The following COL24A1 variants were observed in gnomAD, a reference collection of about 807,000 sequenced individuals.
COL24A1 encodes the protein collagen type XXIV alpha 1 chain, also known as collagen alpha-1(XXIV) chain.
COL24A1 carries 224 observed loss-of-function variants against 253.9 expected under a neutral mutation model. That is an observed-to-expected ratio of 0.88 (90% CI 0.79 to 0.99). COL24A1 has a LOEUF of 0.99. Among genes scored for constraint, COL24A1 ranks in the 50% least tolerant of loss-of-function variants. The pLI is 0.00. For synonymous variants in COL24A1, 685 were observed against 673.7 expected, an observed-to-expected ratio of 1.02 and a Z score of -0.26; for missense variants, 2,131 against 2,068.5, an observed-to-expected ratio of 1.03 and a Z score of -0.59.
chr1:85,899,124 G>A (rs1684037883), intron 28 of COL24A1, among the ~76,000 whole-genome samples: 1 of 152,120 alleles, frequency 6.6e-6, no homozygotes, highest in African/African-American at 2.4e-5. Context: ...AGATGATCTT[G>A]AAATTTTAGC....
In COL24A1 at chr1:86,125,632, C is replaced by T; in HGVS notation, c.704G>A (p.Cys235Tyr). 1 of 1,612,922 alleles carries T rather than the reference C, an allele frequency of 6.2e-7. No homozygotes were observed. Among genetic ancestry groups the T allele is most frequent in the African/African-American group, 1.3e-5 (1 of 74,930 alleles). Residue 235 changes from cysteine (C) to tyrosine (Y), a missense_variant, in exon 3 of 60, where the codon TGC becomes TAC. Physicochemically the swap from Cys to Tyr is radical, Grantham distance 194 (BLOSUM62 -2). Transcript: ENST00000370571. ...GCGACACTGCTGTTTCACATATCTGCAGTAGTCTGCAGATGCTTCTGCAGA... is the reference window on the plus strand; with the variant it reads ...GCGACACTGCTGTTTCACATATCTGTAGTAGTCTGCAGATGCTTCTGCAGA... Reference protein sequence around the residue: ...IPSAEASADYCRYVKQQCRQA... With the variant: ...IPSAEASADYYRYVKQQCRQA...
chr1:85,926,813 T>C (rs1316086907), intron 24 of COL24A1, among the ~76,000 whole-genome samples: 12 of 151,526 alleles, frequency 7.9e-5, no homozygotes, highest in Admixed American at 7.9e-4. Flanking sequence ...ACTTAAAGTA[T>C]AATAATAATA....
chr1:85,755,604 T>G (rs575643204), intron 55 of COL24A1, among the ~76,000 whole-genome samples: 1 of 151,864 alleles, frequency 6.6e-6, no homozygotes, highest in South Asian at 2.1e-4. Flanking sequence ...TCAACAAGAG[T>G]GCTAAGACCA....
intron 11 of COL24A1, among the ~76,000 whole-genome samples, chr1:86,048,175 C>CAT (rs954908535): frequency 6.6e-6 from 1 of 151,534 alleles, no homozygotes; most frequent in African/African-American, 2.4e-5. Flanking sequence ...AAGCATTTTT[C>CAT]ATATATATAC....
intron 24 of COL24A1, among the ~76,000 whole-genome samples, chr1:85,932,603 G>A (rs893755769): frequency 3.7e-5 from 3 of 81,532 alleles, no homozygotes; most frequent in African/African-American, 1.7e-4. Flanking sequence ...ACCCAAATGA[G>A]TATAAATCAT....
intron 5 of COL24A1, among the ~76,000 whole-genome samples, chr1:86,104,679 T>G (rs1207407222): frequency 6.6e-6 from 1 of 152,218 alleles, no homozygotes; most frequent in African/African-American, 2.4e-5. Flanking sequence ...GACTACATGC[T>G]CTAACACTGA....
chr1:85,955,174 G>A (rs1056069002), intron 24 of COL24A1, among the ~76,000 whole-genome samples: 16 of 152,152 alleles, frequency 1.1e-4, no homozygotes, highest in Non-Finnish European at 2.1e-4. Context: ...GGCCATCTAC[G>A]GGGAGACCAC....
At chr1:86,075,271 C>T (rs1702168036) in intron 7 of COL24A1, among the ~76,000 whole-genome samples, 2 of 152,126 alleles carry the variant, frequency 1.3e-5, no homozygotes, top group Admixed American at 6.5e-5. Context: ...CACCTCTACA[C>T]AAATAAACTA....
chr1:86,146,627 C>A (rs1651917684), intron 1 of COL24A1, among the ~76,000 whole-genome samples: 1 of 151,784 alleles, frequency 6.6e-6, no homozygotes, highest in African/African-American at 2.4e-5. Flanking sequence ...AGTTGCTTAA[C>A]TATAGTGATT....
rs1669051780 is a variant in COL24A1 at position 85,780,673 on chromosome 1, T to C, written c.4338+547A>G. Among the ~76,000 whole-genome samples, 3 of 152,190 alleles carry C rather than the reference T, an allele frequency of 2.0e-5. No homozygotes were observed. In the South Asian group the frequency reaches 6.2e-4, roughly 31 times the overall value. On this transcript the variant is annotated intron_variant, in intron 52 of 59. Transcript: ENST00000370571. ...TCTGTTAAATGAAAATAATATCTAC[T>C]GCAAAAGTTTGTTGTAAGAATTTAA... is the stretch of plus-strand genomic sequence containing the variant.
chr1:86,036,726 T>C (rs1383755411), intron 12 of COL24A1, among the ~76,000 whole-genome samples: 2 of 152,158 alleles, frequency 1.3e-5, no homozygotes, highest in Non-Finnish European at 1.5e-5. Flanking sequence ...TATGGAACAG[T>C]AGTGACAAAA....
rs1165341082 is a variant in COL24A1 at position 85,945,002 on chromosome 1, G to GTTTTTTTTTTTT, written c.2562+16235_2562+16246dup. Among the ~76,000 whole-genome samples the GTTTTTTTTTTTT allele has an allele frequency of 6.2e-4, 22 of 35,350 alleles. 1 individual carries two copies. Among genetic ancestry groups the GTTTTTTTTTTTT allele is most frequent in the African/African-American group, 1.3e-3 (11 of 8,232 alleles). The allele number at this position is 35,350 out of a possible 152,430, so 23.2% of individuals were successfully genotyped here. On this transcript the variant is annotated intron_variant, in intron 24 of 59. Coordinates refer to ENST00000370571, the MANE Select transcript of COL24A1 (RefSeq NM_152890.7). Reference sequence around the variant, plus strand: ...TTTTCTTAATCCAGTCTATCATTGTGTTTTTTTTTTTTTTTTTTTTTTTTT... The same window carrying GTTTTTTTTTTTT: ...TTTTCTTAATCCAGTCTATCATTGTGTTTTTTTTTTTTTTTTTTTTTTTTTTTTTTTTTTTTT...
At chr1:85,846,845 G>A (rs992397551) in intron 39 of COL24A1, among the ~76,000 whole-genome samples, 6 of 151,852 alleles carry the variant, frequency 4.0e-5, no homozygotes, top group African/African-American at 1.5e-4. Context: ...AGTAAGAAAG[G>A]CCTAGATCCC....
chr1:86,101,080 A>C (rs1396501040), intron 5 of COL24A1, among the ~76,000 whole-genome samples: 1 of 151,998 alleles, frequency 6.6e-6, no homozygotes, highest in Non-Finnish European at 1.5e-5. Flanking sequence ...TGGCATCTGA[A>C]GTGTGGGAAG....
rs542853289 is a variant in COL24A1, at chr1:86,059,251, G to A, written c.1753-77C>T. On this transcript the variant is annotated intron_variant, in intron 8 of 59. Transcript: ENST00000370571. ...TGGTATATTTACAATACACAAGCTT[G>A]GAAATAATTTTTCCCCATAAAAATA... is the stretch of plus-strand genomic sequence containing the variant. The A allele has an allele frequency of 2.6e-5, 27 of 1,046,824 alleles. No individual in the cohort carries two copies. The South Asian group carries it at 3.6e-4, about 14-fold the overall frequency. The allele number at this position is 1,046,824 out of a possible 1,614,324, so 64.8% of individuals were successfully genotyped here. A position where few individuals can be genotyped will look rare whatever the true frequency, so the allele number is the denominator to read the frequency against.
chr1:86,147,161 C>T (rs1183962249), intron 1 of COL24A1, among the ~76,000 whole-genome samples: 3 of 152,100 alleles, frequency 2.0e-5, no homozygotes. Flanking sequence ...TCCTGATGTA[C>T]TAGTAGTAAT....
chr1:85,911,709 A>G (rs1044409690), intron 24 of COL24A1, among the ~76,000 whole-genome samples: 1 of 152,140 alleles, frequency 6.6e-6, no homozygotes, highest in Admixed American at 6.6e-5. Context: ...TCCATGTGGA[A>G]CTGACATGCT....
At chr1:85,783,654 A>C (rs1172052501) in intron 50 of COL24A1, 96 bp from the exon 51 acceptor site, 1 of 1,088,972 alleles carries the variant, frequency 9.2e-7, no homozygotes, top group African/African-American at 1.6e-5. Context: ...CTCTTTTAAA[A>C]ATGGAATATA....
intron 14 of COL24A1, chr1:86,029,707 C>T (rs1698380161): frequency 6.6e-6 from 1 of 151,028 alleles, no homozygotes; most frequent in South Asian, 2.1e-4. Context: ...CCTCTAACTC[C>T]TGAGCTCAGG....
Sources: allele counts gnomAD v4.1 joint callset (sites outside exome capture counted in the v4.1 genomes callset), GRCh38; gene constraint gnomAD v4.1.1; transcripts MANE v1.5; gene names NCBI Gene and HGNC (gene_info 2026-07-23, HGNC 2026-07-21).